PTPRN2: variants seen among roughly 807,000 people sequenced by gnomAD.
The protein encoded by PTPRN2 is protein tyrosine phosphatase receptor type N2.
Under a neutral mutation model 118.8 loss-of-function variants are expected in PTPRN2, and 74 were observed. That is an observed-to-expected ratio of 0.62 (90% CI 0.52 to 0.76). PTPRN2 has a LOEUF of 0.76. Ranked by LOEUF, PTPRN2 falls within the 30% of genes least tolerant of loss-of-function variation. PTPRN2 has a pLI of 0.00. For synonymous variants in PTPRN2, 641 were observed against 608.0 expected (o/e 1.05, Z -0.80); for missense variants, 1,481 against 1,394.4 (o/e 1.06, Z -0.99).
chr7:157,749,979 G>A (rs1041945505), intron 12 of PTPRN2, among the ~76,000 whole-genome samples: 2 of 151,792 alleles, frequency 1.3e-5, no homozygotes, highest in Non-Finnish European at 2.9e-5. Flanking sequence ...GGCTGTTCAC[G>A]TGATTCTGAG....
intron 5 of PTPRN2, among the ~76,000 whole-genome samples, chr7:158,187,585 C>T (rs117485267): frequency 0.012 from 1,755 of 152,278 alleles, 19 homozygotes; most frequent in Non-Finnish European, 0.02. Context: ...GCTTTCTCCT[C>T]ATTTAAACAC....
At chr7:158,387,536 G>T (rs1811539429) in intron 2 of PTPRN2, among the ~76,000 whole-genome samples, 4 of 152,422 alleles carry the variant, frequency 2.6e-5, no homozygotes, top group South Asian at 2.1e-4. Flanking sequence ...TGGGTCCTGG[G>T]GGGACTGGAC....
At chr7:158,214,641 G>A (rs1350638485) in intron 3 of PTPRN2, among the ~76,000 whole-genome samples, 1 of 152,098 alleles carries the variant, frequency 6.6e-6, no homozygotes, top group Non-Finnish European at 1.5e-5. Flanking sequence ...CTACCAGGTA[G>A]TGTCAGAGAA....
chr7:157,642,495 C>T (rs534571515), intron 14 of PTPRN2, among the ~76,000 whole-genome samples: 2 of 152,276 alleles, frequency 1.3e-5, no homozygotes, highest in East Asian at 1.9e-4. Flanking sequence ...CAGATGGAGG[C>T]GGCCTCTGGT....
chr7:158,153,898 TCGC>T (rs1821445083), intron 6 of PTPRN2, among the ~76,000 whole-genome samples: 1 of 21,982 alleles, frequency 4.5e-5, no homozygotes. Flanking sequence ...CTGGGTGTGC[TCGC>T]TCGGAAGGCA....
chr7:157,936,102 G>A (rs58355205), intron 11 of PTPRN2, among the ~76,000 whole-genome samples: 5,353 of 152,246 alleles, frequency 0.035, 285 homozygotes, highest in African/African-American at 0.11. Context: ...AAAGTGAACC[G>A]ATCGTAGGTG....
At chr7:157,657,814 T>A (rs1290959112) in intron 13 of PTPRN2, among the ~76,000 whole-genome samples, 2 of 54,334 alleles carry the variant, frequency 3.7e-5, no homozygotes, top group East Asian at 6.0e-4. Flanking sequence ...ACCACACACA[T>A]CACACATATA....
At chr7:158,552,571 T>G (rs917511738) in intron 1 of PTPRN2, among the ~76,000 whole-genome samples, 1 of 152,150 alleles carries the variant, frequency 6.6e-6, no homozygotes, top group Non-Finnish European at 1.5e-5. Flanking sequence ...TGCCTCAGCC[T>G]CCTGAGCTAG....
chr7:158,388,786 A>T (rs1320933964), intron 2 of PTPRN2, among the ~76,000 whole-genome samples: 1 of 152,112 alleles, frequency 6.6e-6, no homozygotes, highest in African/African-American at 2.4e-5. Context: ...GCTCCCAGCC[A>T]CCTCTCAGCA....
chr7:157,829,258 C>G (rs539413209), intron 12 of PTPRN2, among the ~76,000 whole-genome samples: 1 of 152,206 alleles, frequency 6.6e-6, no homozygotes, highest in Non-Finnish European at 1.5e-5. Flanking sequence ...GCAAGGGTCC[C>G]GTCTTGCTGC....
intron 11 of PTPRN2, among the ~76,000 whole-genome samples, chr7:157,988,268 T>C (rs575652086): frequency 3.9e-4 from 60 of 152,126 alleles, no homozygotes; most frequent in African/African-American, 1.4e-3. Flanking sequence ...CTTTGTGCTT[T>C]GGTCACACGG....
chr7:158,063,304 T>G (rs1295681353), intron 11 of PTPRN2, among the ~76,000 whole-genome samples: 1 of 152,100 alleles, frequency 6.6e-6, no homozygotes, highest in South Asian at 2.1e-4. Context: ...ATCAGCACTC[T>G]GTGTCTAGCT....
chr7:158,344,832 A>G (rs1330565711), intron 2 of PTPRN2, among the ~76,000 whole-genome samples: 1 of 152,212 alleles, frequency 6.6e-6, no homozygotes, highest in Non-Finnish European at 1.5e-5. Context: ...CTGATGAGAA[A>G]TCAGGCACCA....
rs539834270 is a variant in PTPRN2 at position 158,180,996 on chromosome 7, G to C, written c.549+11331C>G. ...ACTATGTTGAATAGAAGTGGTGAGA[G>C]TGGGCATCCTTGTCTTCTTTCAGTT... is the stretch of plus-strand genomic sequence containing the variant. On this transcript the variant is annotated intron_variant, in intron 5 of 22. Transcript: ENST00000389418. Among the ~76,000 whole-genome samples, 260 of 152,310 alleles carry C rather than the reference G, an allele frequency of 1.7e-3. 2 individuals are homozygous for C. The highest frequency in any genetic ancestry group is 6.0e-3 in the African/African-American group (249 of 41,564).
At chr7:157,871,031 G>A (rs1811015199) in intron 12 of PTPRN2, among the ~76,000 whole-genome samples, 1 of 152,220 alleles carries the variant, frequency 6.6e-6, no homozygotes, top group Non-Finnish European at 1.5e-5. Flanking sequence ...TGCTGGTGCT[G>A]GGGGCGCTAG....
chr7:158,497,252 C>T (rs1195629190), intron 1 of PTPRN2, among the ~76,000 whole-genome samples: 3 of 136,098 alleles, frequency 2.2e-5, no homozygotes, highest in African/African-American at 8.5e-5. Context: ...GGCTGCCAAG[C>T]AAGGGGCTCC....
intron 1 of PTPRN2, among the ~76,000 whole-genome samples, chr7:158,535,748 G>A (rs113943842): frequency 0.011 from 1,691 of 151,058 alleles, 22 homozygotes; most frequent in Non-Finnish European, 0.016. Flanking sequence ...AACCATGATT[G>A]TTTTTACATA....
At chr7:157,734,263 G>C (rs1055779453) in intron 12 of PTPRN2, among the ~76,000 whole-genome samples, 1 of 70,524 alleles carries the variant, frequency 1.4e-5, no homozygotes, top group African/African-American at 5.3e-5. Flanking sequence ...TCCGTCCCAT[G>C]TGCCCAGTGC....
intron 12 of PTPRN2, among the ~76,000 whole-genome samples, chr7:157,685,242 C>T (rs1465641584): frequency 1.3e-5 from 2 of 151,960 alleles, no homozygotes; most frequent in African/African-American, 4.8e-5. Context: ...CGCCCCAGCG[C>T]GGAGGCGACC....
Sources: gnomAD v4.1 joint callset for allele counts (sites outside exome capture counted in the v4.1 genomes callset) on GRCh38, gnomAD v4.1.1 for gene constraint, MANE v1.5 for transcripts, NCBI Gene and HGNC (gene_info 2026-07-23, HGNC 2026-07-21) for gene names.